TCF7L1: variants seen among roughly 807,000 people sequenced by gnomAD.
TCF7L1 encodes the protein transcription factor 7 like 1, also known as transcription factor 7-like 1.
A neutral mutation model predicts 63.7 loss-of-function variants in TCF7L1; 18 were observed. The observed-to-expected ratio is 0.28, with a 90% confidence interval of 0.20 to 0.42. TCF7L1 has a LOEUF of 0.42. TCF7L1 is among the 10% of genes least tolerant of loss of function. The probability of loss-of-function intolerance (pLI) is 1.00; values close to 1 mark genes in which losing one functional copy is unlikely to be tolerated. For synonymous variants in TCF7L1, 355 were observed against 340.9 expected (o/e 1.04, Z -0.46); for missense variants, 654 against 779.3 (o/e 0.84, Z 1.91).
At chr2:85,171,405 C>T (rs767853995) in intron 3 of TCF7L1, among the ~76,000 whole-genome samples, 24 of 152,228 alleles carry the variant, frequency 1.6e-4, no homozygotes, top group Non-Finnish European at 2.8e-4. Context: ...GTAATTTCCG[C>T]TCCAGATAGG....
In TCF7L1 at chr2:85,148,110, C is replaced by G. The variant is rs181306122; in HGVS notation, c.441+13660C>G. ...CATAAGCTTTTTTTGTTATAAAATC[C>G]TTGTTAGGGAGAGTGAGACGCTGGT... On this transcript the variant is annotated intron_variant, in intron 3 of 11. Coordinates refer to ENST00000282111, the MANE Select transcript of TCF7L1 (RefSeq NM_031283.3). Among the ~76,000 whole-genome samples, 790 of 152,070 alleles carry G rather than the reference C, an allele frequency of 5.2e-3. 4 individuals are homozygous for G. Among genetic ancestry groups the G allele is most frequent in the Non-Finnish European group, 7.7e-3 (523 of 67,978 alleles).
intron 4 of TCF7L1, among the ~76,000 whole-genome samples, chr2:85,302,169 A>G (rs1367515216): frequency 1.3e-5 from 2 of 152,076 alleles, no homozygotes; most frequent in East Asian, 1.9e-4. Flanking sequence ...TTTAGATTCA[A>G]TGAGATGACA....
intron 4 of TCF7L1, among the ~76,000 whole-genome samples, chr2:85,289,746 A>G (rs1039927816): frequency 2.0e-5 from 3 of 152,204 alleles, no homozygotes; most frequent in Admixed American, 6.5e-5. Context: ...AACTCAGCTC[A>G]CTGCAACCTC....
chr2:85,193,880 G>T (rs1679091901), intron 3 of TCF7L1, among the ~76,000 whole-genome samples: 2 of 152,026 alleles, frequency 1.3e-5, no homozygotes, highest in Non-Finnish European at 2.9e-5. Flanking sequence ...TAACATTTGG[G>T]GTATGTAGGT....
chr2:85,213,167 G>A (rs1679614795), intron 3 of TCF7L1, among the ~76,000 whole-genome samples: 1 of 151,758 alleles, frequency 6.6e-6, no homozygotes, highest in African/African-American at 2.4e-5. Flanking sequence ...GGAGGGTTTG[G>A]GGGCCAGGTG....
chr2:85,289,221 A>AGT (rs10701623), intron 4 of TCF7L1, among the ~76,000 whole-genome samples: 11,934 of 146,184 alleles, frequency 0.082, 502 homozygotes, highest in South Asian at 0.19. Context: ...TTCAGTCTGG[A>AGT]GTGTGTGTGT....
chr2:85,134,187 C>T lies in TCF7L1; in HGVS notation c.313+108C>T. 1 of 1,508,730 alleles carries T rather than the reference C, an allele frequency of 6.6e-7. No individual in the cohort carries two copies. The highest frequency in any genetic ancestry group is 8.9e-7 in the Non-Finnish European group (1 of 1,125,206). The allele number at this position is 1,508,730 out of a possible 1,614,324, so 93.5% of individuals were successfully genotyped here. ...GCTTGGGTGGACGCACCCTTGCCCT[C>T]CGCCTTTATTGGCGGCAGCCCCCGT... is the stretch of plus-strand genomic sequence containing the variant. On this transcript the variant is annotated intron_variant, in intron 2 of 11. Coordinates refer to ENST00000282111, the MANE Select transcript of TCF7L1 (RefSeq NM_031283.3). The surrounding 1 kb of genome is among the most constrained non-coding windows in gnomAD (Gnocchi z 5.0).
chr2:85,200,340 C>A lies in TCF7L1; in HGVS notation c.441+65890C>A, dbSNP rs192447646. ...GAAAATCCATGTATAACTTTTGGCTCCACAAAACTTAACTACTAATAGCCT... is the reference window on the plus strand; with the variant it reads ...GAAAATCCATGTATAACTTTTGGCTACACAAAACTTAACTACTAATAGCCT... On this transcript the variant is annotated intron_variant, in intron 3 of 11. Coordinates refer to ENST00000282111, the MANE Select transcript of TCF7L1 (RefSeq NM_031283.3). Among the ~76,000 whole-genome samples, 5 of 152,268 alleles carry A rather than the reference C, an allele frequency of 3.3e-5. No individual in the cohort carries two copies. The East Asian group carries it at 9.7e-4, about 29-fold the overall frequency.
chr2:85,229,746 A>G (rs986977944), intron 3 of TCF7L1, among the ~76,000 whole-genome samples: 2 of 152,274 alleles, frequency 1.3e-5, no homozygotes, highest in East Asian at 3.9e-4. Flanking sequence ...AGTGGCTCAC[A>G]CCTGTGATCC....
At chr2:85,300,668 C>T (rs572008044) in intron 4 of TCF7L1, among the ~76,000 whole-genome samples, 2 of 151,948 alleles carry the variant, frequency 1.3e-5, no homozygotes, top group African/African-American at 4.8e-5. Context: ...ATAGGCACCA[C>T]ATGAAAGGAA....
intron 3 of TCF7L1, among the ~76,000 whole-genome samples, chr2:85,207,480 C>T (rs540219783): frequency 4.6e-5 from 7 of 152,188 alleles, no homozygotes; most frequent in Admixed American, 4.6e-4. Context: ...GTACACACAG[C>T]TGCCGGCTAG....
intron 10 of TCF7L1, among the ~76,000 whole-genome samples, chr2:85,307,070 G>GA (rs1012712531): frequency 2.0e-5 from 3 of 152,204 alleles, no homozygotes; most frequent in African/African-American, 7.2e-5. Context: ...CCTGAGGACG[G>GA]ACTTCAGTTG....
intron 3 of TCF7L1, among the ~76,000 whole-genome samples, chr2:85,145,110 T>C (rs1677850956): frequency 6.6e-6 from 1 of 152,046 alleles, no homozygotes; most frequent in African/African-American, 2.4e-5. Flanking sequence ...CTTTTTCCTT[T>C]ACTTCCCAAA....
At chr2:85,200,859 T>G (rs1679254590) in intron 3 of TCF7L1, among the ~76,000 whole-genome samples, 1 of 151,954 alleles carries the variant, frequency 6.6e-6, no homozygotes, top group Non-Finnish European at 1.5e-5. Context: ...TTGAGTTACC[T>G]GCGACACTTG....
intron 3 of TCF7L1, among the ~76,000 whole-genome samples, chr2:85,215,937 A>G (rs1202303281): frequency 1.3e-5 from 2 of 152,200 alleles, no homozygotes; most frequent in Non-Finnish European, 2.9e-5. Context: ...GATACTCATA[A>G]CAGAAACACC....
At chr2:85,170,662 T>G (rs910636067) in intron 3 of TCF7L1, among the ~76,000 whole-genome samples, 1 of 152,186 alleles carries the variant, frequency 6.6e-6, no homozygotes, top group African/African-American at 2.4e-5. Context: ...GAGAAACTTC[T>G]GTCTCATAAA....
At chr2:85,307,799 ATGGG>A in intron 11 of TCF7L1, 82 bp downstream of exon 11, 7 of 1,319,556 alleles carry the variant, frequency 5.3e-6, no homozygotes, top group Non-Finnish European at 6.5e-6. Flanking sequence ...TAGCTCCCTG[ATGGG>A]TCAGGGCTTC....
chr2:85,263,726 TGAG>T (rs1680908132), intron 3 of TCF7L1, among the ~76,000 whole-genome samples: 1 of 152,002 alleles, frequency 6.6e-6, no homozygotes, highest in South Asian at 2.1e-4. Context: ...CACTTGGAGA[TGAG>T]GAGGAAGGCT....
At chr2:85,300,448 A>G (rs1681941620) in intron 4 of TCF7L1, among the ~76,000 whole-genome samples, 1 of 152,224 alleles carries the variant, frequency 6.6e-6, no homozygotes, top group Non-Finnish European at 1.5e-5. Flanking sequence ...AGAAGACAGT[A>G]CTTTTTAAAT....
Sources: gnomAD v4.1 joint callset for allele counts (sites outside exome capture counted in the v4.1 genomes callset) on GRCh38, gnomAD v4.1.1 for gene constraint, Gnocchi (gnomAD v3.1) non-coding constraint, MANE v1.5 for transcripts, NCBI Gene and HGNC (gene_info 2026-07-23, HGNC 2026-07-21) for gene names.